TMEM25: variants seen among roughly 807,000 people sequenced by gnomAD.
TMEM25 encodes the protein transmembrane protein 25.
In TMEM25, 36 loss-of-function variants were observed where a neutral mutation model predicts 37.0. The ratio of observed to expected loss-of-function variants is 0.97; its 90% CI spans 0.75 to 1.28. The LOEUF is 1.28. Ranked by LOEUF, TMEM25 falls within the 50% of genes most tolerant of loss-of-function variation. The probability of loss-of-function intolerance (pLI) is 0.00; values close to 1 mark genes in which losing one functional copy is unlikely to be tolerated. For synonymous variants in TMEM25, 197 were observed against 203.7 expected, an observed-to-expected ratio of 0.97 and a Z score of 0.28; for missense variants, 444 against 477.9, an observed-to-expected ratio of 0.93 and a Z score of 0.66.
At position 118,533,413 on chromosome 11, in the gene TMEM25, C is replaced by T; in HGVS notation, c.674-7C>T. 4 of 1,613,398 alleles carry T rather than the reference C, an allele frequency of 2.5e-6. No individual in the cohort carries two copies. Among genetic ancestry groups the T allele is most frequent in the Non-Finnish European group, 3.4e-6 (4 of 1,179,966 alleles). On this transcript the variant is annotated splice_region_variant and splice_polypyrimidine_tract_variant and intron_variant, in intron 4 of 8. Transcript: ENST00000313236. ...ACTTGGGACCTGACACAGAGGACAT[C>T]CTCCAGGGCTTCTGGCTACCCGGGT... is the stretch of plus-strand genomic sequence containing the variant.
rs782513204 is a variant in TMEM25 at position 118,534,543 on chromosome 11, G to C, written c.1064G>C (p.Arg355Pro). The change falls in exon 9 of 9, where the codon CGA becomes CCA. Residue 355 changes from arginine (R) to proline (P), a missense_variant. Arg to Pro is a moderately radical substitution (Grantham distance 103). Coordinates refer to ENST00000313236, the MANE Select transcript of TMEM25 (RefSeq NM_032780.4). The surrounding 1 kb of genome is among the most constrained non-coding windows in gnomAD (Gnocchi z 4.6). The stretch of plus-strand genomic sequence containing the variant: ...CTCCCAGTGCTGGGCTATATCTATC[G>C]AGTGTCCAGCGTGAGCAGTGATGAG... ...IRLPVLGYIY[R>P]VSSVSSDEIW... 4.3e-6 allele frequency: 7 copies of C among 1,614,046 alleles called. No individual in the cohort carries two copies. Among genetic ancestry groups the C allele is most frequent in the Non-Finnish European group, 5.1e-6 (6 of 1,180,038 alleles).
intron 8 of TMEM25, chr11:118,544,718 GGGACAGCA>G: frequency 1.8e-6 from 1 of 547,992 alleles, no homozygotes; most frequent in Non-Finnish European, 3.3e-6. Context: ...TAACTCCCCG[GGGACAGCA>G]ATCTGAGGCA....
downstream of TMEM25, among the ~76,000 whole-genome samples, chr11:118,539,634 A>C (rs782379584): frequency 3.9e-5 from 6 of 151,986 alleles, no homozygotes; most frequent in African/African-American, 4.8e-5. Flanking sequence ...GCAGGTGGCT[A>C]TCCAATTTTC....
intron 8 of TMEM25, chr11:118,544,745 C>A: frequency 1.7e-6 from 1 of 592,826 alleles, no homozygotes; most frequent in Non-Finnish European, 3.0e-6. Flanking sequence ...CAGGCAGGTT[C>A]ATTAAACAAA....
chr11:118,533,795 G>A, intron 5 of TMEM25, 62 bp from the exon 6 acceptor site: 1 of 1,612,438 alleles, frequency 6.2e-7, no homozygotes, highest in Non-Finnish European at 8.5e-7. Context: ...GTCTGAAAGG[G>A]TAGGACAGCC....
At chr11:118,541,541 A>G (rs1220320570) in intron 8 of TMEM25, among the ~76,000 whole-genome samples, 1 of 152,048 alleles carries the variant, frequency 6.6e-6, no homozygotes, top group Non-Finnish European at 1.5e-5. Flanking sequence ...TACTTATAAC[A>G]ATACCTAAAA....
chr11:118,542,926 A>G (rs527878081), intron 8 of TMEM25, among the ~76,000 whole-genome samples: 1 of 148,734 alleles, frequency 6.7e-6, no homozygotes, highest in East Asian at 2.0e-4. Context: ...CAAACAAACA[A>G]AACAAAACAA....
chr11:118,545,060 G>T (rs1555066721), intron 8 of TMEM25: 1 of 1,255,590 alleles, frequency 8.0e-7, no homozygotes, highest in Admixed American at 1.9e-5. Flanking sequence ...TATGCTAATT[G>T]CTATATTTTA....
chr11:118,531,639 T>A, intron 1 of TMEM25, 136 bp from the exon 2 acceptor site: 1 of 687,930 alleles, frequency 1.5e-6, no homozygotes, highest in Non-Finnish European at 2.4e-6. Context: ...TTCGTGTCCG[T>A]GCCTTCGCCA....
In TMEM25 at chr11:118,534,809, C is replaced by G. The variant is rs1480224633; in HGVS notation, c.*229C>G. 7.2e-7 allele frequency: 1 copy of G among 1,382,682 alleles called. No homozygotes were observed. The highest frequency in any genetic ancestry group is 9.4e-7 in the Non-Finnish European group (1 of 1,066,702). The allele number at this position is 1,382,682 out of a possible 1,614,324, so 85.7% of individuals were successfully genotyped here. A position where few individuals can be genotyped will look rare whatever the true frequency, so the allele number is the denominator to read the frequency against. ...AAGGCTACCAGTTGGACGTAAGCCC[C>G]TCATGCTGACTCAGGGTGGGCCCTG... is the stretch of plus-strand genomic sequence containing the variant. On this transcript the variant is annotated 3_prime_UTR_variant, in exon 9 of 9. Transcript: ENST00000313236. This position sits in a 1 kb window ranked among gnomAD's most constrained non-coding sequence, Gnocchi z 4.6.
Position 118,545,429 on chromosome 11 carries a change from A to C in TMEM25, c.1028-690A>C. ...CTCACCTGTGAGTTCTTGAATTCTG[A>C]GTAGAGGGAAAAGAGCAGATGGAGG... is the stretch of plus-strand genomic sequence containing the variant. On this transcript the variant is annotated intron_variant, in intron 8 of 8. Coordinates refer to the TMEM25 transcript ENST00000354284. The C allele has an allele frequency of 6.2e-7, 1 of 1,612,926 alleles. No individual in the cohort carries two copies. The highest frequency in any genetic ancestry group is 8.5e-7 in the Non-Finnish European group (1 of 1,178,954).
In TMEM25 at chr11:118,535,586, G is replaced by T. The variant is rs1555062922; in HGVS notation, c.*1006G>T. The stretch of plus-strand genomic sequence containing the variant: ...CAGCAGGAAGGTGCCCTTCCTGGAG[G>T]ATGGTCGCCACAGGCACATAATTCA... On this transcript the variant is annotated 3_prime_UTR_variant, in exon 9 of 9. Coordinates refer to ENST00000313236, the MANE Select transcript of TMEM25 (RefSeq NM_032780.4). 4 of 1,535,370 alleles carry T rather than the reference G, an allele frequency of 2.6e-6. No homozygotes were observed. Among genetic ancestry groups the T allele is most frequent in the Non-Finnish European group, 3.5e-6 (4 of 1,146,678 alleles).
At chr11:118,538,876 A>G (rs1392670088), downstream of TMEM25, among the ~76,000 whole-genome samples, 9 of 149,278 alleles carry the variant, frequency 6.0e-5, no homozygotes, top group African/African-American at 2.2e-4. Context: ...TGGGCAACAG[A>G]GTAAGGCCGT....
chr11:118,544,853 C>T, intron 8 of TMEM25: 1 of 1,164,358 alleles, frequency 8.6e-7, no homozygotes, highest in Non-Finnish European at 1.3e-6. Context: ...TGACAACGAT[C>T]TGTCCATCTC....
At chr11:118,539,270 C>A (rs1452737212), downstream of TMEM25, among the ~76,000 whole-genome samples, 1 of 146,932 alleles carries the variant, frequency 6.8e-6, no homozygotes, top group Non-Finnish European at 1.5e-5. Flanking sequence ...CGGGTTCAAG[C>A]GATTCTCCTG....
chr11:118,545,630 C>G (rs536310786), intron 8 of TMEM25: 1 of 1,060,786 alleles, frequency 9.4e-7, no homozygotes, highest in Admixed American at 1.9e-5. Flanking sequence ...AGCAGGTAGT[C>G]ACATAAGCCA....
intron 8 of TMEM25, among the ~76,000 whole-genome samples, chr11:118,544,308 G>A (rs782084124): frequency 2.4e-4 from 37 of 152,260 alleles, no homozygotes; most frequent in Admixed American, 3.9e-4. Flanking sequence ...CAGGAAGGCG[G>A]CATTAACTGA....
chr11:118,543,057 C>G (rs1408826077), intron 8 of TMEM25, among the ~76,000 whole-genome samples: 1 of 151,556 alleles, frequency 6.6e-6, no homozygotes, highest in Non-Finnish European at 1.5e-5. Context: ...CTGGCTAACA[C>G]GGTGAAACTC....
At position 118,531,793 on chromosome 11, in the gene TMEM25, C is replaced by T. The variant is rs1486757966; in HGVS notation, c.-9C>T. On this transcript the variant is annotated 5_prime_UTR_variant, in exon 2 of 9. Coordinates refer to ENST00000313236, the MANE Select transcript of TMEM25 (RefSeq NM_032780.4). ...CTCTCAGCAGCCTAGGGCCTAGGCCCGGGCCACCATGGCGCTGCCTCCAGG... is the reference window on the plus strand; with the variant it reads ...CTCTCAGCAGCCTAGGGCCTAGGCCTGGGCCACCATGGCGCTGCCTCCAGG... 21 of 1,549,920 alleles carry T rather than the reference C, an allele frequency of 1.4e-5. No individual in the cohort carries two copies. The highest frequency in any genetic ancestry group is 6.8e-5 in the African/African-American group (5 of 73,038).
Sources: allele counts gnomAD v4.1 joint callset (sites outside exome capture counted in the v4.1 genomes callset), GRCh38; gene constraint gnomAD v4.1.1; non-coding constraint Gnocchi (gnomAD v3.1); transcripts MANE v1.5; gene names NCBI Gene and HGNC (gene_info 2026-07-23, HGNC 2026-07-21).